PPIP5K2: variants seen among roughly 807,000 people sequenced by gnomAD.
The protein encoded by PPIP5K2 is inositol hexakisphosphate and diphosphoinositol-pentakisphosphate kinase 2.
A neutral mutation model predicts 154.6 loss-of-function variants in PPIP5K2; 105 were observed. The ratio of observed to expected loss-of-function variants is 0.68; its 90% confidence interval spans 0.58 to 0.80. PPIP5K2 has a LOEUF of 0.80. PPIP5K2 is among the 30% of genes least tolerant of loss of function. PPIP5K2 has a pLI of 0.00. For missense variants in PPIP5K2, 992 were observed against 1,504.6 expected (o/e 0.66, Z 5.64); for synonymous variants, 480 against 490.3 (o/e 0.98, Z 0.28).
At chr5:103,175,388 G>GA (rs1261313228) in intron 21 of PPIP5K2, among the ~76,000 whole-genome samples, 6 of 135,484 alleles carry the variant, frequency 4.4e-5, no homozygotes, top group South Asian at 2.6e-4. Context: ...GGATTAGTGG[G>GA]AAAAAAAATG....
intron 21 of PPIP5K2, among the ~76,000 whole-genome samples, chr5:103,174,626 C>T (rs1240056662): frequency 6.6e-6 from 1 of 152,016 alleles, no homozygotes; most frequent in Non-Finnish European, 1.5e-5. Flanking sequence ...CACCTGAGTT[C>T]CAGGAGTGAG....
intron 25 of PPIP5K2, chr5:103,184,329 T>G (rs1800020675): frequency 5.6e-6 from 1 of 179,590 alleles, no homozygotes; most frequent in Non-Finnish European, 1.2e-5. Flanking sequence ...TTTGTAGTTG[T>G]TTTTTCCCCC....
intron 8 of PPIP5K2, 91 bp from the exon 9 acceptor site, chr5:103,151,162 T>G: frequency 1.1e-5 from 12 of 1,063,290 alleles, no homozygotes; most frequent in Non-Finnish European, 1.6e-5. Flanking sequence ...TTTAAGCATT[T>G]ATAAAATTTG....
Position 103,173,928 on chromosome 5 carries a change from G to A in PPIP5K2, c.2485G>A (p.Val829Ile). 1 of 1,609,190 alleles carries A rather than the reference G, an allele frequency of 6.2e-7. No homozygotes were observed. The highest frequency in any genetic ancestry group is 8.5e-7 in the Non-Finnish European group (1 of 1,176,492). ...TRLYFTSESH[V>I]HSLLSILRYG... is the part of the protein sequence containing the mutation. ...ATTATATTTTACCAGTGAAAGTCAT[G>A]TACATTCTTTGCTGTCTATTCTTCG... Residue 829 changes from valine to isoleucine, a missense_variant, in exon 21 of 31, where the codon GTA becomes ATA. Transcript: ENST00000358359.
Position 103,203,699 on chromosome 5 carries a change from A to G in PPIP5K2, c.*2065A>G, listed in dbSNP as rs1173447877. The G allele has an allele frequency of 6.6e-6, 1 of 152,196 alleles. No individual in the cohort carries two copies. Among genetic ancestry groups the G allele is most frequent in the Non-Finnish European group, 1.5e-5 (1 of 68,034 alleles). 9.4% of individuals were successfully genotyped at this position (152,196 alleles called of 1,614,324 possible). A position where few individuals can be genotyped will look rare whatever the true frequency, so the allele number is the denominator to read the frequency against. On this transcript the variant is annotated 3_prime_UTR_variant, in exon 31 of 31. Coordinates refer to ENST00000358359, the MANE Select transcript of PPIP5K2 (RefSeq NM_001276277.3). ...ACTAGCCCAGCATGAAGAATTGTCT[A>G]GTCACCCTGAGATATTAATCTTCAT...
chr5:103,174,028 C>T, intron 21 of PPIP5K2, 56 bp downstream of exon 21: 1 of 1,263,758 alleles, frequency 7.9e-7, no homozygotes, highest in Non-Finnish European at 1.1e-6. Context: ...GTAATTAAAT[C>T]ACTAACTGCT....
At chr5:103,155,176 C>T (rs1240541916) in intron 13 of PPIP5K2, among the ~76,000 whole-genome samples, 1 of 151,930 alleles carries the variant, frequency 6.6e-6, no homozygotes, top group Admixed American at 6.6e-5. Context: ...TTTGTGTCTT[C>T]TGTGAAATAC....
chr5:103,154,635 G>A, intron 11 of PPIP5K2, 35 bp from the exon 12 acceptor site: 2 of 1,245,828 alleles, frequency 1.6e-6, no homozygotes, highest in Admixed American at 2.2e-5. Flanking sequence ...GTTAATTATT[G>A]CAAGTGACTA....
intron 7 of PPIP5K2, among the ~76,000 whole-genome samples, chr5:103,148,892 A>T (rs1794158231): frequency 6.6e-6 from 1 of 152,040 alleles, no homozygotes; most frequent in Non-Finnish European, 1.5e-5. Flanking sequence ...TATACATCCT[A>T]GTATTCCCTC....
intron 5 of PPIP5K2, among the ~76,000 whole-genome samples, chr5:103,143,715 G>T (rs1230904551): frequency 6.6e-6 from 1 of 152,074 alleles, no homozygotes; most frequent in Admixed American, 6.6e-5. Flanking sequence ...TGGAGAAAAA[G>T]CATTTGATAA....
chr5:103,187,186 A>T, intron 27 of PPIP5K2, 128 bp from the exon 28 acceptor site: 7 of 572,638 alleles, frequency 1.2e-5, no homozygotes, highest in South Asian at 2.3e-5. Context: ...ACCTTATTAC[A>T]TTCTCTCATT....
chr5:103,121,988 T>C (rs1453797747), intron 1 of PPIP5K2, among the ~76,000 whole-genome samples: 1 of 152,222 alleles, frequency 6.6e-6, no homozygotes, highest in Non-Finnish European at 1.5e-5. Flanking sequence ...ATTGTGGTTA[T>C]GTAGGAAGGT....
At chr5:103,159,040 AT>A in intron 16 of PPIP5K2, 105 bp from the exon 17 acceptor site, 2 of 797,248 alleles carry the variant, frequency 2.5e-6, no homozygotes, top group Non-Finnish European at 3.7e-6. Context: ...AATAAAGTTT[AT>A]TTATGATAAA....
chr5:103,166,038 G>A (rs1797072113), intron 17 of PPIP5K2, among the ~76,000 whole-genome samples: 2 of 152,024 alleles, frequency 1.3e-5, no homozygotes, highest in Admixed American at 1.3e-4. Flanking sequence ...TTGAAGAATT[G>A]TAACAGAAGA....
Position 103,212,237 on chromosome 5 carries a change from C to T in PPIP5K2, c.*10603C>T, listed in dbSNP as rs1384032347. 1 of 152,340 alleles carries T rather than the reference C, an allele frequency of 6.6e-6. No homozygotes were observed. Among genetic ancestry groups the T allele is most frequent in the Non-Finnish European group, 1.5e-5 (1 of 67,962 alleles). The allele number at this position is 152,340 out of a possible 1,614,324, so 9.4% of individuals were successfully genotyped here. On this transcript the variant is annotated 3_prime_UTR_variant, in exon 31 of 31. Coordinates refer to ENST00000358359, the MANE Select transcript of PPIP5K2 (RefSeq NM_001276277.3). ...ATTATCTTGATAAGCCCTATAGGTC[C>T]ATAAAAGAAATAAAATGCCAAAACA...
chr5:103,123,697 T>C (rs1789158950), intron 1 of PPIP5K2, among the ~76,000 whole-genome samples: 1 of 152,234 alleles, frequency 6.6e-6, no homozygotes, highest in Admixed American at 6.5e-5. Context: ...CAGTAACTTG[T>C]GTTTTTACAA....
At chr5:103,160,593 G>T (rs1796070567) in intron 17 of PPIP5K2, among the ~76,000 whole-genome samples, 1 of 152,156 alleles carries the variant, frequency 6.6e-6, no homozygotes, top group African/African-American at 2.4e-5. Context: ...AGACTTTGCA[G>T]TCCAAATATG....
chr5:103,173,887 G>T lies in PPIP5K2; in HGVS notation c.2444G>T (p.Arg815Leu). The change falls in exon 21 of 31, where the codon CGT becomes CTT. Residue 815 changes from arginine (R) to leucine (L), a missense_variant. Around this residue, in one of 9 missense-constraint regions of PPIP5K2, gnomAD observed 157 missense variants for 281.2 expected, o/e 0.56. Transcript: ENST00000358359. ...VYSRGVLSPE[R>L]HVRTRLYFTS... ...TCTAGAGGTGTTCTGTCTCCTGAAC[G>T]TCATGTTCGTACTAGATTATATTTT... 1 of 1,606,556 alleles carries T rather than the reference G, an allele frequency of 6.2e-7. No individual in the cohort carries two copies. The highest frequency in any genetic ancestry group is 8.5e-7 in the Non-Finnish European group (1 of 1,174,218).
intron 3 of PPIP5K2, chr5:103,135,932 T>C (rs1359157998): frequency 1.3e-5 from 2 of 151,424 alleles, no homozygotes; most frequent in East Asian, 1.9e-4. Context: ...ATTTTGAGCA[T>C]ATATGTCATA....
Sources: gnomAD v4.1 joint callset for allele counts (sites outside exome capture counted in the v4.1 genomes callset) on GRCh38, gnomAD v4.1.1 for gene constraint, gnomAD v4.1.1 regional missense constraint, MANE v1.5 for transcripts, NCBI Gene and HGNC (gene_info 2026-07-23, HGNC 2026-07-21) for gene names.